Variants in SLC16A5 observed in about 807,000 individuals in gnomAD.
The protein encoded by SLC16A5 is solute carrier family 16 member 5.
A neutral mutation model predicts 33.2 loss-of-function variants in SLC16A5; 29 were observed. The ratio of observed to expected loss-of-function variants is 0.87; its 90% CI spans 0.65 to 1.19. The LOEUF is 1.19. SLC16A5 is among the 50% of genes most tolerant of loss of function. SLC16A5 has a pLI of 0.00. For missense variants in SLC16A5, 606 were observed against 678.2 expected (o/e 0.89, Z 1.18); for synonymous variants, 248 against 284.1 (o/e 0.87, Z 1.28).
chr17:75,105,057 G>A (rs2145084144), intron 6 of SLC16A5: 1 of 985,466 alleles, frequency 1.0e-6, no homozygotes, highest in East Asian at 1.1e-4. Context: ...GCCCTCACCT[G>A]TAGGGCAGCC....
intron 2 of SLC16A5, among the ~76,000 whole-genome samples, chr17:75,091,147 C>T (rs913155674): frequency 9.2e-5 from 14 of 152,040 alleles, no homozygotes; most frequent in African/African-American, 3.1e-4. Context: ...CAGGAGGAAG[C>T]CAGGAAGGCT....
At position 75,104,073 on chromosome 17, in the gene SLC16A5, G is replaced by A. The variant is rs752128335; in HGVS notation, c.1257G>A (p.Leu419=). 6.2e-7 allele frequency: 1 copy of A among 1,614,192 alleles called. No individual in the cohort carries two copies. The highest frequency in any genetic ancestry group is 1.7e-5 in the Admixed American group (1 of 60,018). The change falls in exon 6 of 7, where the codon CTG becomes CTA. Residue 419 remains leucine, a synonymous_variant. Transcript: ENST00000329783. ...TCATGGGTGGCAGCTTCTACGCCCT[G>A]CAGAAGAAGGAGCAAGGCAAGCAGG... ...ALFMGGSFYA[L]QKKEQGKQAV...
In SLC16A5 at chr17:75,093,746, T is replaced by C; in HGVS notation, c.110T>C (p.Phe37Ser). 1.2e-6 allele frequency: 2 copies of C among 1,614,102 alleles called. No homozygotes were observed. The highest frequency in any genetic ancestry group is 1.7e-6 in the Non-Finnish European group (2 of 1,179,978). The change falls in exon 3 of 7, where the codon TTC becomes TCC. Residue 37 changes from phenylalanine to serine, a missense_variant. Physicochemically the swap from Phe to Ser is radical, Grantham distance 155 (BLOSUM62 -2). Transcript: ENST00000329783. ...GGCTTCCCCACGTGTATCGGCATCT[T>C]CTTCACTGAATTGCAATGGGAGTTC... The part of the protein sequence containing the change: ...TLGFPTCIGI[F>S]FTELQWEFQA...
At chr17:75,097,521 T>C (rs1397231939) in intron 3 of SLC16A5, among the ~76,000 whole-genome samples, 2 of 132,860 alleles carry the variant, frequency 1.5e-5, no homozygotes, top group Non-Finnish European at 3.1e-5. Context: ...TCCCCTCAGC[T>C]GTAGGGCTGG....
Position 75,089,167 on chromosome 17 carries a change from C to T in SLC16A5, c.-186C>T, listed in dbSNP as rs1481607173. The stretch of plus-strand genomic sequence containing the variant: ...GGTTCCCAGTACAAAGAAAAGAGCA[C>T]TTCCCTGCTGGGGCAGAGGCCAAGC... On this transcript the variant is annotated 5_prime_UTR_variant, in exon 2 of 7. Transcript: ENST00000329783. The T allele has an allele frequency of 1.3e-5, 2 of 152,410 alleles. No homozygotes were observed. The highest frequency in any genetic ancestry group is 4.8e-5 in the African/African-American group (2 of 41,466). 9.4% of individuals were successfully genotyped at this position (152,410 alleles called of 1,614,324 possible).
At chr17:75,108,516 C>G (rs980982286), downstream of SLC16A5, among the ~76,000 whole-genome samples, 1 of 152,166 alleles carries the variant, frequency 6.6e-6, no homozygotes, top group East Asian at 1.9e-4. Context: ...TGGAGTGTGA[C>G]GGCCACTCTG....
At chr17:75,107,993 A>G (rs1014387662), downstream of SLC16A5, among the ~76,000 whole-genome samples, 1 of 151,994 alleles carries the variant, frequency 6.6e-6, no homozygotes, top group African/African-American at 2.4e-5. Flanking sequence ...AATCCCAGCT[A>G]CTCGGGAGGC....
chr17:75,095,698 T>C (rs2073708859), intron 3 of SLC16A5, among the ~76,000 whole-genome samples: 1 of 151,544 alleles, frequency 6.6e-6, no homozygotes, highest in Non-Finnish European at 1.5e-5. Context: ...CTCGCTCTGT[T>C]GCCCAGGCTG....
intron 5 of SLC16A5, 124 bp from the exon 6 acceptor site, chr17:75,103,846 C>T: frequency 2.5e-6 from 2 of 792,482 alleles, no homozygotes; most frequent in South Asian, 1.7e-5. Flanking sequence ...TGAGTGTCTA[C>T]TGGGTGTCAG....
At position 75,093,713 on chromosome 17, in the gene SLC16A5, T is replaced by C. The variant is rs2073675055; in HGVS notation, c.77T>C (p.Leu26Pro). 1 of 1,613,876 alleles carries C rather than the reference T, an allele frequency of 6.2e-7. No individual in the cohort carries two copies. The highest frequency in any genetic ancestry group is 1.3e-5 in the African/African-American group (1 of 74,918). ...VLLATMVTQGLTLGFPTCIGI... is the reference protein window; with the variant it reads ...VLLATMVTQGPTLGFPTCIGI... ...CTGGCCACCATGGTGACCCAGGGCC[T>C]CACCCTGGGCTTCCCCACGTGTATC... The change falls in exon 3 of 7, where the codon CTC becomes CCC. Residue 26 changes from leucine (L) to proline (P), a missense_variant. By Grantham distance (98) the Leu-to-Pro change is moderately conservative (BLOSUM62 -3). Coordinates refer to ENST00000329783, the MANE Select transcript of SLC16A5 (RefSeq NM_004695.4).
At chr17:75,087,466 G>A (rs186053381), upstream of SLC16A5, among the ~76,000 whole-genome samples, 1 of 152,298 alleles carries the variant, frequency 6.6e-6, no homozygotes, top group Admixed American at 6.5e-5. Flanking sequence ...GAAGTGGTGG[G>A]TGTCCTCTCA....
chr17:75,101,957 A>G (rs1303804909), intron 5 of SLC16A5, among the ~76,000 whole-genome samples: 1 of 152,102 alleles, frequency 6.6e-6, no homozygotes, highest in Non-Finnish European at 1.5e-5. Context: ...CTATCAGTAA[A>G]GTGGGGATAA....
intron 5 of SLC16A5, 72 bp downstream of exon 5, chr17:75,100,888 G>A: frequency 7.3e-7 from 1 of 1,362,682 alleles, no homozygotes; most frequent in Non-Finnish European, 9.9e-7. Flanking sequence ...TCTGGGCCCA[G>A]TCCAGCATCT....
At chr17:75,098,299 A>C in intron 4 of SLC16A5, 118 bp downstream of exon 4, 9 of 1,356,644 alleles carry the variant, frequency 6.6e-6, no homozygotes, top group Non-Finnish European at 9.2e-6. Flanking sequence ...GCGGTGGCTC[A>C]CACCTGTTAT....
chr17:75,090,728 G>GTTT (rs2073627081), intron 2 of SLC16A5, among the ~76,000 whole-genome samples: 1 of 152,018 alleles, frequency 6.6e-6, no homozygotes, highest in Admixed American at 6.6e-5. Flanking sequence ...CAAAGTGCTG[G>GTTT]GATTACAGGT....
At chr17:75,104,414 T>TA in intron 6 of SLC16A5, 8 of 981,396 alleles carry the variant, frequency 8.2e-6, no homozygotes, top group East Asian at 4.8e-5. Context: ...CCTGAGAAAC[T>TA]CTTTTTTTTT....
In SLC16A5 at chr17:75,104,009, T is replaced by C; in HGVS notation, c.1193T>C (p.Phe398Ser). The change falls in exon 6 of 7, where the codon TTC (phenylalanine) becomes TCC (serine). Residue 398 changes from phenylalanine (F) to serine (S), a missense_variant. Physicochemically the swap from Phe to Ser is radical, Grantham distance 155. Transcript: ENST00000329783. ...GCCACCAACAACTTTAGCTATGTTTTCTACATGTCCAGCTTCTTCCTCATC... is the reference window on the plus strand; with the variant it reads ...GCCACCAACAACTTTAGCTATGTTTCCTACATGTCCAGCTTCTTCCTCATC... ...LDATNNFSYV[F>S]YMSSFFLISA... 1 of 1,614,242 alleles carries C rather than the reference T, an allele frequency of 6.2e-7. No individual in the cohort carries two copies. The highest frequency in any genetic ancestry group is 8.5e-7 in the Non-Finnish European group (1 of 1,180,040).
In SLC16A5 at chr17:75,104,178, CATGT is replaced by C; in HGVS notation, c.1364+4_1364+7del. 6.2e-7 allele frequency: 1 copy of C among 1,613,938 alleles called. No homozygotes were observed. The highest frequency in any genetic ancestry group is 8.5e-7 in the Non-Finnish European group (1 of 1,180,014). On this transcript the variant is annotated splice_donor_variant and coding_sequence_variant, in exon 6 of 7. Transcript: ENST00000329783. LOFTEE classifies it high-confidence loss of function. ...CTGGGAAGCAACGGTCCCCTGAGAT[CATGT>C]ATGTAACCAGCGTCTAAGACCCAGG...
downstream of SLC16A5, among the ~76,000 whole-genome samples, chr17:75,109,782 G>A (rs117876116): frequency 0.018 from 2,673 of 152,368 alleles, 36 homozygotes; most frequent in Non-Finnish European, 0.03. The surrounding 1 kb of genome is among the most constrained non-coding windows in gnomAD (Gnocchi z 5.0). Context: ...AGGCCAGGCT[G>A]CTCCTCGCAG....
Sources: allele counts gnomAD v4.1 joint callset (sites outside exome capture counted in the v4.1 genomes callset), GRCh38; gene constraint gnomAD v4.1.1; non-coding constraint Gnocchi (gnomAD v3.1); transcripts MANE v1.5; gene names NCBI Gene and HGNC (gene_info 2026-07-23, HGNC 2026-07-21).